The following SPRR2F variants were observed in gnomAD, a reference collection of about 807,000 sequenced individuals.
The protein encoded by SPRR2F is small proline-rich protein 2F.
Under a neutral mutation model 0.8 loss-of-function variants are expected in SPRR2F, and 2 were observed. That is an observed-to-expected ratio of 2.52 (90% confidence interval 1.03 to 7.95). The LOEUF (loss-of-function observed/expected upper bound fraction) is 7.95, where lower values mean the gene tolerates loss of function less well. Ranked by LOEUF, SPRR2F falls within the 30% of genes most tolerant of loss-of-function variation. The probability of loss-of-function intolerance (pLI) is 0.04; values close to 1 mark genes in which losing one functional copy is unlikely to be tolerated. For missense variants in SPRR2F, 80 were observed against 85.8 expected (o/e 0.93, Z 0.27); for synonymous variants, 39 against 33.4 (o/e 1.17, Z -0.58).
rs1307514058 is a variant in SPRR2F at position 153,112,234 on chromosome 1, A to T, written c.*281T>A. 2.2e-5 allele frequency: 11 copies of T among 502,310 alleles called. No individual in the cohort carries two copies. The highest frequency in any genetic ancestry group is 5.8e-5 in the African/African-American group (3 of 51,620). 31.1% of individuals were successfully genotyped at this position (502,310 alleles called of 1,614,324 possible). ...CAGAAAACATCAACAGAATTCTCTA[A>T]TGGTTCCCAGGGAGAGAGCTGCTCT... On this transcript the variant is annotated 3_prime_UTR_variant, in exon 2 of 2. Coordinates refer to ENST00000468739, the MANE Select transcript of SPRR2F (RefSeq NM_001014450.3).
Position 153,112,427 on chromosome 1 carries a change from G to A in SPRR2F, c.*88C>T. The A allele has an allele frequency of 6.5e-7, 1 of 1,542,232 alleles. No individual in the cohort carries two copies. The highest frequency in any genetic ancestry group is 1.9e-5 in the Admixed American group (1 of 52,502). ...GAAGCTCCCTGTGTATCCCTGGATGGCTTTGATGAGAAGATGCAGGTGGAG... is the reference window on the plus strand; with the variant it reads ...GAAGCTCCCTGTGTATCCCTGGATGACTTTGATGAGAAGATGCAGGTGGAG... On this transcript the variant is annotated 3_prime_UTR_variant, in exon 2 of 2. Coordinates refer to ENST00000468739, the MANE Select transcript of SPRR2F (RefSeq NM_001014450.3).
At chr1:153,113,904 C>A (rs920201843), upstream of SPRR2F, among the ~76,000 whole-genome samples, 3 of 151,772 alleles carry the variant, frequency 2.0e-5, no homozygotes, top group Admixed American at 1.3e-4. Context: ...TGTACATGAA[C>A]CCATCTCCAC....
upstream of SPRR2F, among the ~76,000 whole-genome samples, chr1:153,116,593 T>C (rs1021778201): frequency 8.5e-5 from 13 of 152,158 alleles, no homozygotes; most frequent in African/African-American, 2.9e-4. Flanking sequence ...AATTGTTTTA[T>C]TATTATACCC....
At chr1:153,116,181 A>G (rs1198408514), upstream of SPRR2F, among the ~76,000 whole-genome samples, 2 of 152,214 alleles carry the variant, frequency 1.3e-5, no homozygotes, top group African/African-American at 4.8e-5. Context: ...TTGCTTAATC[A>G]GATAAATTAT....
chr1:153,117,786 A>C (rs1655746485), upstream of SPRR2F, among the ~76,000 whole-genome samples: 6 of 152,222 alleles, frequency 3.9e-5, no homozygotes, highest in African/African-American at 1.4e-4. Context: ...GAATCTTTTT[A>C]AGACAGTGAA....
At chr1:153,118,000 C>T (rs1655750512), upstream of SPRR2F, among the ~76,000 whole-genome samples, 1 of 152,026 alleles carries the variant, frequency 6.6e-6, no homozygotes, top group Non-Finnish European at 1.5e-5. Context: ...CTCATGATCT[C>T]ACAGAACTAA....
upstream of SPRR2F, among the ~76,000 whole-genome samples, chr1:153,116,146 T>C (rs1221438846): frequency 6.6e-6 from 1 of 152,220 alleles, no homozygotes; most frequent in Non-Finnish European, 1.5e-5. Flanking sequence ...AATATAGGCT[T>C]ACATTCCATC....
In SPRR2F at chr1:153,112,402, G is replaced by C. The variant is rs1655609685; in HGVS notation, c.*113C>G. On this transcript the variant is annotated 3_prime_UTR_variant, in exon 2 of 2. Transcript: ENST00000468739. Reference sequence around the variant, plus strand: ...AGGCCGATCACAGGCTAAGAGGAAAGAAGCTCCCTGTGTATCCCTGGATGG... The same window carrying C: ...AGGCCGATCACAGGCTAAGAGGAAACAAGCTCCCTGTGTATCCCTGGATGG... 5 of 1,505,334 alleles carry C rather than the reference G, an allele frequency of 3.3e-6. No individual in the cohort carries two copies. In the South Asian group the frequency reaches 5.3e-5, roughly 16 times the overall value. The allele number at this position is 1,505,334 out of a possible 1,614,324, so 93.2% of individuals were successfully genotyped here. A position where few individuals can be genotyped will look rare whatever the true frequency, so the allele number is the denominator to read the frequency against.
At chr1:153,113,436 G>C (rs1482844347) in intron 1 of SPRR2F, 38 bp downstream of exon 1, 2 of 152,800 alleles carry the variant, frequency 1.3e-5, no homozygotes, top group Non-Finnish European at 2.9e-5. Context: ...AACATTTCAG[G>C]GCACAAAGAA....
At chr1:153,118,479 T>A (rs1407929293), upstream of SPRR2F, among the ~76,000 whole-genome samples, 1 of 152,086 alleles carries the variant, frequency 6.6e-6, no homozygotes, top group Non-Finnish European at 1.5e-5. Flanking sequence ...GATAAGTGAA[T>A]CTTCATATAT....
the SPRR2F span, among the ~76,000 whole-genome samples, chr1:153,118,546 G>A: frequency 6.6e-6 from 1 of 152,116 alleles, no homozygotes; most frequent in Admixed American, 6.5e-5. Flanking sequence ...TGGAGATCAG[G>A]AGGCAGTGGG....
At chr1:153,119,143 G>T in the SPRR2F span, among the ~76,000 whole-genome samples, 1 of 152,058 alleles carries the variant, frequency 6.6e-6, no homozygotes, top group Admixed American at 6.6e-5. Flanking sequence ...TTTCTACAAG[G>T]ATCAACTGAA....
At position 153,112,397 on chromosome 1, in the gene SPRR2F, G is replaced by C. The variant is rs540592070; in HGVS notation, c.*118C>G. 4.7e-6 allele frequency: 7 copies of C among 1,498,860 alleles called. No individual in the cohort carries two copies. The Admixed American group carries it at 8.8e-5, about 19-fold the overall frequency. 92.8% of individuals were successfully genotyped at this position (1,498,860 alleles called of 1,614,324 possible). ...ATCACAGGCCGATCACAGGCTAAGAGGAAAGAAGCTCCCTGTGTATCCCTG... is the reference window on the plus strand; with the variant it reads ...ATCACAGGCCGATCACAGGCTAAGACGAAAGAAGCTCCCTGTGTATCCCTG... On this transcript the variant is annotated 3_prime_UTR_variant, in exon 2 of 2. Transcript: ENST00000468739.
the SPRR2F span, among the ~76,000 whole-genome samples, chr1:153,119,224 G>A: frequency 5.9e-5 from 9 of 152,226 alleles, no homozygotes; most frequent in Admixed American, 1.3e-4. Context: ...GAAGACCTTC[G>A]TCATCAATGA....
chr1:153,112,868 T>C (rs1655633323), intron 1 of SPRR2F, 116 bp from the exon 2 acceptor site: 11 of 1,474,702 alleles, frequency 7.5e-6, no homozygotes, highest in African/African-American at 1.4e-5. Flanking sequence ...TTATTTAAAC[T>C]CTTAATTCCC....
chr1:153,114,049 G>A (rs1655667342), upstream of SPRR2F, among the ~76,000 whole-genome samples: 1 of 127,514 alleles, frequency 7.8e-6, no homozygotes, highest in Admixed American at 9.0e-5. Context: ...ACCACAGGCA[G>A]GTCACCTCTC....
rs1483391224 is a variant in SPRR2F at position 153,112,493 on chromosome 1, C to A, written c.*22G>T. 2 of 1,604,626 alleles carry A rather than the reference C, an allele frequency of 1.2e-6. No individual in the cohort carries two copies. Among genetic ancestry groups the A allele is most frequent in the Non-Finnish European group, 1.7e-6 (2 of 1,176,076 alleles). On this transcript the variant is annotated 3_prime_UTR_variant, in exon 2 of 2. Transcript: ENST00000468739. ...AGCCAATTATCCTTATCCTTTCATG[C>A]TCCTGATGAATCCTGAAGCTGTTAC... is the stretch of plus-strand genomic sequence containing the variant.
chr1:153,118,032 C>T (rs1655751180), upstream of SPRR2F, among the ~76,000 whole-genome samples: 1 of 152,010 alleles, frequency 6.6e-6, no homozygotes, highest in Non-Finnish European at 1.5e-5. Context: ...CCATAGCATC[C>T]ATCATCATGA....
upstream of SPRR2F, among the ~76,000 whole-genome samples, chr1:153,115,130 C>A (rs1480888930): frequency 6.6e-6 from 1 of 152,112 alleles, no homozygotes; most frequent in African/African-American, 2.4e-5. Flanking sequence ...GGCTTTGGGG[C>A]AAGATCACTA....
Sources: allele counts gnomAD v4.1 joint callset (sites outside exome capture counted in the v4.1 genomes callset), GRCh38; gene constraint gnomAD v4.1.1; transcripts MANE v1.5; gene names NCBI Gene and HGNC (gene_info 2026-07-23, HGNC 2026-07-21).